PGS1: variants seen among roughly 807,000 people sequenced by gnomAD.
PGS1 encodes the protein phosphatidylglycerophosphate synthase 1.
In PGS1, 44 loss-of-function variants were observed where a neutral mutation model predicts 58.3. The observed-to-expected ratio is 0.75, with a 90% CI of 0.59 to 0.97. The LOEUF (loss-of-function observed/expected upper bound fraction) is 0.97, where lower values mean the gene tolerates loss of function less well. Among genes scored for constraint, PGS1 ranks in the 50% least tolerant of loss-of-function variants. The pLI is 0.00. For synonymous variants in PGS1, 330 were observed against 311.0 expected (o/e 1.06, Z -0.64); for missense variants, 684 against 731.1 (o/e 0.94, Z 0.74).
intron 1 of PGS1, among the ~76,000 whole-genome samples, chr17:78,379,132 A>T (rs1262602433): frequency 6.6e-6 from 1 of 152,106 alleles, no homozygotes; most frequent in South Asian, 2.1e-4. Context: ...TAAAAGAGGG[A>T]CTGTGTGTGC....
At chr17:78,412,159 C>G (rs552375045) in intron 7 of PGS1, among the ~76,000 whole-genome samples, 1 of 152,242 alleles carries the variant, frequency 6.6e-6, no homozygotes, top group South Asian at 2.1e-4. Context: ...GTGTGGGCAT[C>G]TCACAGCAGC....
intron 7 of PGS1, among the ~76,000 whole-genome samples, chr17:78,404,397 T>C (rs1219645418): frequency 6.6e-6 from 1 of 151,160 alleles, no homozygotes; most frequent in Non-Finnish European, 1.5e-5. Context: ...CCTCCCACCG[T>C]AGCCTCCTGA....
intron 8 of PGS1, among the ~76,000 whole-genome samples, chr17:78,418,734 G>C (rs2085426773): frequency 1.3e-5 from 2 of 152,172 alleles, no homozygotes; most frequent in African/African-American, 4.8e-5. Context: ...CCTGTTGCCA[G>C]AGCTCACTCT....
intron 2 of PGS1, among the ~76,000 whole-genome samples, chr17:78,394,421 T>G (rs2146156008): frequency 6.6e-6 from 1 of 152,218 alleles, no homozygotes; most frequent in East Asian, 1.9e-4. Context: ...GGCGTGTCCT[T>G]TTGTTCTCCC....
chr17:78,385,073 G>A (rs112216975), intron 1 of PGS1, among the ~76,000 whole-genome samples: 24 of 152,334 alleles, frequency 1.6e-4, no homozygotes, highest in African/African-American at 5.5e-4. Flanking sequence ...GTGGAAAACC[G>A]TCTCCTCCAA....
intron 1 of PGS1, among the ~76,000 whole-genome samples, chr17:78,384,573 G>C (rs1400519485): frequency 6.6e-6 from 1 of 152,128 alleles, no homozygotes; most frequent in Non-Finnish European, 1.5e-5. Flanking sequence ...CCAGGCCACA[G>C]AGTCTGTACC....
At chr17:78,397,591 C>CCCCT (rs1555631831) in intron 3 of PGS1, among the ~76,000 whole-genome samples, 2 of 130,108 alleles carry the variant, frequency 1.5e-5, no homozygotes, top group African/African-American at 5.2e-5. Context: ...CATGCGCCAC[C>CCCCT]CCCCCAGCTA....
intron 1 of PGS1, among the ~76,000 whole-genome samples, chr17:78,387,455 A>C (rs1055179133): frequency 1.3e-5 from 2 of 150,172 alleles, no homozygotes; most frequent in African/African-American, 2.5e-5. Flanking sequence ...ATGTGCCACC[A>C]GGCCCGGCTA....
intron 8 of PGS1, among the ~76,000 whole-genome samples, chr17:78,418,461 G>T (rs183392955): frequency 6.6e-6 from 1 of 152,086 alleles, no homozygotes. Flanking sequence ...TTTGCCTGCC[G>T]ATTTCTGGGC....
At chr17:78,382,170 A>G (rs2082079997) in intron 1 of PGS1, among the ~76,000 whole-genome samples, 1 of 152,138 alleles carries the variant, frequency 6.6e-6, no homozygotes, top group Non-Finnish European at 1.5e-5. Flanking sequence ...GCGAAAGGCA[A>G]TTCTGAGGTC....
intron 9 of PGS1, chr17:78,419,962 C>G: frequency 8.4e-7 from 1 of 1,190,234 alleles, no homozygotes; most frequent in Non-Finnish European, 1.1e-6. Flanking sequence ...CTCTCCCTTC[C>G]CAGGGGGTCC....
intron 7 of PGS1, among the ~76,000 whole-genome samples, chr17:78,411,625 C>G (rs961256732): frequency 6.6e-6 from 1 of 152,222 alleles, no homozygotes; most frequent in African/African-American, 2.4e-5. Context: ...CCTCCCCAGG[C>G]TATCGTTCCT....
chr17:78,422,432 G>GAAAAA (rs2085914586), intron 9 of PGS1, among the ~76,000 whole-genome samples: 1 of 127,574 alleles, frequency 7.8e-6, no homozygotes, highest in Admixed American at 7.6e-5. Context: ...AGTAAACTTG[G>GAAAAA]AAAAATGTTT....
At chr17:78,383,931 G>C (rs547305791) in intron 1 of PGS1, among the ~76,000 whole-genome samples, 2 of 152,324 alleles carry the variant, frequency 1.3e-5, no homozygotes, top group Non-Finnish European at 2.9e-5. Flanking sequence ...TGGTCTGAAT[G>C]ATAATCCCTT....
rs138312957 is a variant in PGS1, at chr17:78,424,017, C to A, written c.*11-44C>A. 4.0e-3 allele frequency: 6,533 copies of A among 1,614,038 alleles called. 19 individuals are homozygous for A. Among genetic ancestry groups the A allele is most frequent in the Non-Finnish European group, 4.6e-3 (5,476 of 1,179,908 alleles). ...TGGGGCCGCGGATGCGTGTTTTGTA[C>A]ACGGGACACTCATAGATGTTCTTGG... On this transcript the variant is annotated intron_variant, in intron 9 of 9. Transcript: ENST00000262764.
chr17:78,397,664 AC>A (rs2083342022), intron 3 of PGS1, among the ~76,000 whole-genome samples: 5 of 151,404 alleles, frequency 3.3e-5, no homozygotes, highest in Admixed American at 6.6e-5. Context: ...TAAACTCCTG[AC>A]CTTGGGTGAT....
rs760996511 is a variant in PGS1 at position 78,399,350 on chromosome 17, C to T, written c.514C>T (p.Arg172Trp). The T allele has an allele frequency of 1.7e-5, 27 of 1,613,300 alleles. No individual in the cohort carries two copies. The highest frequency in any genetic ancestry group is 7.7e-5 in the South Asian group (7 of 91,072). Residue 172 changes from arginine to tryptophan, a missense_variant and splice_region_variant, in exon 5 of 10, where the codon CGG becomes TGG. Arg to Trp is a moderately radical substitution (Grantham distance 101). Transcript: ENST00000262764. ...LLDFTRGSRG[R>W]KNSRTMLLPL... is the part of the protein sequence containing the mutation. ...CCGTTTTCTCTGTCCGTGTTCAGGC[C>T]GGAAGAACTCCCGCACAATGCTGCT...
intron 9 of PGS1, chr17:78,419,876 C>T (rs2085540262): frequency 7.6e-7 from 1 of 1,314,902 alleles, no homozygotes; most frequent in Non-Finnish European, 9.8e-7. Flanking sequence ...TGTTCACTTT[C>T]CATCTGGTAC....
At chr17:78,407,809 T>C (rs1483217589) in intron 7 of PGS1, among the ~76,000 whole-genome samples, 2 of 152,222 alleles carry the variant, frequency 1.3e-5, no homozygotes, top group Non-Finnish European at 2.9e-5. Flanking sequence ...GGTGGCCCCA[T>C]GAGTGTGGTG....
Sources: allele counts gnomAD v4.1 joint callset (sites outside exome capture counted in the v4.1 genomes callset), GRCh38; gene constraint gnomAD v4.1.1; transcripts MANE v1.5; gene names NCBI Gene and HGNC (gene_info 2026-07-23, HGNC 2026-07-21).